PCDHGA5: variants seen among roughly 807,000 people sequenced by gnomAD.
PCDHGA5 encodes protocadherin gamma subfamily A, 5, also known as protocadherin gamma-A5.
PCDHGA5 carries 36 observed loss-of-function variants against 56.7 expected under a neutral mutation model. That is an observed-to-expected ratio of 0.64 (90% CI 0.49 to 0.84). The LOEUF is 0.84. Among genes scored for constraint, PCDHGA5 ranks in the 40% least tolerant of loss-of-function variants. The pLI is 0.00. For synonymous variants in PCDHGA5, 563 were observed against 520.2 expected (o/e 1.08, Z -1.12); for missense variants, 1,305 against 1,201.5 (o/e 1.09, Z -1.27).
chr5:141,369,402 C>A (rs1207187527), intron 1 of PCDHGA5, among the ~76,000 whole-genome samples: 2 of 152,072 alleles, frequency 1.3e-5, no homozygotes, highest in Non-Finnish European at 2.9e-5. Flanking sequence ...CAGGGTGGTT[C>A]ATGACTATAA....
At chr5:141,376,354 C>G in intron 1 of PCDHGA5, 1 of 1,614,208 alleles carries the variant, frequency 6.2e-7, no homozygotes, top group South Asian at 1.1e-5. Context: ...CCCACGAGGT[C>G]TCACTCACTG....
intron 1 of PCDHGA5, chr5:141,422,096 C>T: frequency 6.2e-7 from 1 of 1,610,710 alleles, no homozygotes; most frequent in Non-Finnish European, 8.5e-7. Context: ...AGCAAGGCTT[C>T]TGAAATATTC....
chr5:141,419,671 G>T (rs532058652), intron 1 of PCDHGA5: 1 of 1,612,894 alleles, frequency 6.2e-7, no homozygotes, highest in East Asian at 2.2e-5. Context: ...ATGCCTGGCT[G>T]TCCTACCACG....
intron 1 of PCDHGA5, chr5:141,414,799 G>T (rs1177065576): frequency 1.9e-6 from 3 of 1,614,096 alleles, no homozygotes; most frequent in Non-Finnish European, 2.5e-6. Flanking sequence ...CAGCGACAGC[G>T]GGGATCCTCC....
chr5:141,397,012 A>C (rs944352237), intron 1 of PCDHGA5, among the ~76,000 whole-genome samples: 2 of 152,260 alleles, frequency 1.3e-5, no homozygotes, highest in African/African-American at 4.8e-5. Flanking sequence ...AATGGACTAA[A>C]GAAGGTTGAC....
intron 2 of PCDHGA5, among the ~76,000 whole-genome samples, chr5:141,505,180 A>G (rs1435197883): frequency 6.6e-6 from 1 of 152,200 alleles, no homozygotes; most frequent in Non-Finnish European, 1.5e-5. Context: ...AGAAAAAAGC[A>G]TCGGAGGCAG....
intron 1 of PCDHGA5, chr5:141,412,359 A>G (rs2095550851): frequency 6.6e-6 from 1 of 152,226 alleles, no homozygotes; most frequent in Non-Finnish European, 1.5e-5. Flanking sequence ...GTTTGTGATT[A>G]CCTGCTTAAT....
Position 141,419,271 on chromosome 5 carries a change from T to C in PCDHGA5, c.2421+52520T>C, listed in dbSNP as rs2096352878. 4 of 1,613,902 alleles carry C rather than the reference T, an allele frequency of 2.5e-6. No homozygotes were observed. In the South Asian group the frequency reaches 3.3e-5, roughly 13 times the overall value. ...GAAAACAACCAGCCGGGTGCCTCCA[T>C]AGCGCAAGTCAGTGCCTCTGACCCA... On this transcript the variant is annotated intron_variant, in intron 1 of 3. Transcript: ENST00000518069.
Position 141,491,383 on chromosome 5 carries a change from A to C in PCDHGA5, c.2422-3424A>C. The C allele has an allele frequency of 6.2e-7, 1 of 1,614,036 alleles. No individual in the cohort carries two copies. The highest frequency in any genetic ancestry group is 8.5e-7 in the Non-Finnish European group (1 of 1,179,962). ...AGTCACCTTCACCTTTCTGTCAGCG[A>C]AGTGCCTTCAGGGAAACGCAGACGG... On this transcript the variant is annotated intron_variant, in intron 1 of 3. Transcript: ENST00000518069. This position sits in a 1 kb window ranked among gnomAD's most constrained non-coding sequence, Gnocchi z 6.9.
chr5:141,490,098 T>C lies in PCDHGA5; in HGVS notation c.2422-4709T>C, dbSNP rs774132407. On this transcript the variant is annotated intron_variant, in intron 1 of 3. Transcript: ENST00000518069. The surrounding 1 kb of genome is among the most constrained non-coding windows in gnomAD (Gnocchi z 5.4). ...ACTATTCTTTTGGAGACCACACATCTGAGGCAGTGCGGAACCTCTTTGGCC... is the reference window on the plus strand; with the variant it reads ...ACTATTCTTTTGGAGACCACACATCCGAGGCAGTGCGGAACCTCTTTGGCC... The C allele has an allele frequency of 6.2e-7, 1 of 1,614,260 alleles. No homozygotes were observed. The highest frequency in any genetic ancestry group is 8.5e-7 in the Non-Finnish European group (1 of 1,180,038).
At chr5:141,509,570 G>A (rs2099877371) in intron 3 of PCDHGA5, among the ~76,000 whole-genome samples, 1 of 152,232 alleles carries the variant, frequency 6.6e-6, no homozygotes, top group South Asian at 2.1e-4. Flanking sequence ...AGCCTTCACA[G>A]TGCGTACAAA....
chr5:141,410,440 G>A, intron 1 of PCDHGA5: 1 of 1,614,036 alleles, frequency 6.2e-7, no homozygotes, highest in Non-Finnish European at 8.5e-7. Context: ...ACAGTGAGGG[G>A]ACTTTGCCTT....
At chr5:141,461,013 C>G (rs981329088) in intron 1 of PCDHGA5, among the ~76,000 whole-genome samples, 2 of 148,522 alleles carry the variant, frequency 1.3e-5, no homozygotes, top group Non-Finnish European at 3.0e-5. Flanking sequence ...ATATATATAC[C>G]ACATTTTCTT....
chr5:141,421,031 T>A, intron 1 of PCDHGA5: 1 of 529,760 alleles, frequency 1.9e-6, no homozygotes, highest in Non-Finnish European at 3.3e-6. Context: ...CGCCATTGAG[T>A]CCCTCCCTCC....
rs758013542 is a variant in PCDHGA5 at position 141,418,314 on chromosome 5, C to A, written c.2421+51563C>A. 9 of 1,613,988 alleles carry A rather than the reference C, an allele frequency of 5.6e-6. No homozygotes were observed. In the East Asian group the frequency reaches 1.3e-4, roughly 24 times the overall value. On this transcript the variant is annotated intron_variant, in intron 1 of 3. Coordinates refer to ENST00000518069, the MANE Select transcript of PCDHGA5 (RefSeq NM_018918.3). ...GAATCCGTCAGCCTGGGGATGGGAACAATTCTTGAGTCTGCAGAAGATCCT... is the reference window on the plus strand; with the variant it reads ...GAATCCGTCAGCCTGGGGATGGGAAAAATTCTTGAGTCTGCAGAAGATCCT...
At chr5:141,392,357 C>T (rs980934647) in intron 1 of PCDHGA5, 1 of 152,638 alleles carries the variant, frequency 6.6e-6, no homozygotes, top group Admixed American at 6.5e-5. Flanking sequence ...TAATCCGATG[C>T]TACAATCTGA....
At chr5:141,372,576 C>A in intron 1 of PCDHGA5, 2 of 1,614,066 alleles carry the variant, frequency 1.2e-6, no homozygotes. Context: ...GGGCTACTTT[C>A]AGCCTGGTGT....
chr5:141,418,498 C>T (rs181453589), intron 1 of PCDHGA5: 10 of 1,613,968 alleles, frequency 6.2e-6, no homozygotes, highest in East Asian at 2.2e-5. Context: ...TGGTACTGAC[C>T]GCCTTAGATG....
chr5:141,370,608 A>G, intron 1 of PCDHGA5: 1 of 1,613,954 alleles, frequency 6.2e-7, no homozygotes, highest in Non-Finnish European at 8.5e-7. Context: ...TATTGCAGAG[A>G]AGAAATTCTT....
Sources: allele counts gnomAD v4.1 joint callset (sites outside exome capture counted in the v4.1 genomes callset), GRCh38; gene constraint gnomAD v4.1.1; non-coding constraint Gnocchi (gnomAD v3.1); transcripts MANE v1.5; gene names NCBI Gene and HGNC (gene_info 2026-07-23, HGNC 2026-07-21).